Variants in DLG2 observed in about 807,000 individuals in gnomAD.
DLG2 encodes discs large MAGUK scaffold protein 2, also known as disks large homolog 2.
A neutral mutation model predicts 132.5 loss-of-function variants in DLG2; 45 were observed. The ratio of observed to expected loss-of-function variants is 0.34; its 90% CI spans 0.27 to 0.44. The LOEUF is 0.44. Among genes scored for constraint, DLG2 ranks in the 20% least tolerant of loss-of-function variants. The probability of loss-of-function intolerance (pLI) is 1.00; values close to 1 mark genes in which losing one functional copy is unlikely to be tolerated. For synonymous variants in DLG2, 424 were observed against 419.6 expected, an observed-to-expected ratio of 1.01 and a Z score of -0.13; for missense variants, 1,045 against 1,196.9, an observed-to-expected ratio of 0.87 and a Z score of 1.87.
intron 4 of DLG2, among the ~76,000 whole-genome samples, chr11:85,158,638 T>A (rs569838170): frequency 2.0e-5 from 3 of 152,140 alleles, no homozygotes; most frequent in African/African-American, 4.8e-5. Context: ...CTAAAAAAAA[T>A]TTAAATACAG....
At chr11:83,851,625 C>T (rs12808068) in intron 16 of DLG2, among the ~76,000 whole-genome samples, 13,059 of 137,382 alleles carry the variant, frequency 0.095, 844 homozygotes, top group East Asian at 0.34. Flanking sequence ...GAAACTCGGT[C>T]TCAAAAAAAA....
At chr11:83,869,490 T>C (rs920425523) in intron 16 of DLG2, among the ~76,000 whole-genome samples, 1 of 152,118 alleles carries the variant, frequency 6.6e-6, no homozygotes, top group African/African-American at 2.4e-5. Flanking sequence ...CCTTAAAGTA[T>C]GGGAAGGGTG....
At chr11:85,075,340 G>C (rs1170511509) in intron 6 of DLG2, among the ~76,000 whole-genome samples, 1 of 151,828 alleles carries the variant, frequency 6.6e-6, no homozygotes, top group African/African-American at 2.4e-5. Context: ...ACATACTGAA[G>C]GATGTGTGTC....
intron 6 of DLG2, among the ~76,000 whole-genome samples, chr11:84,968,732 T>C (rs762175704): frequency 1.3e-5 from 2 of 152,184 alleles, no homozygotes; most frequent in Non-Finnish European, 2.9e-5. Context: ...TTATAACTTT[T>C]GTTTTATACG....
In DLG2 at chr11:84,098,985, G is replaced by A; in HGVS notation, c.687C>T (p.Asp229=). 6.2e-7 allele frequency: 1 copy of A among 1,613,310 alleles called. No individual in the cohort carries two copies. The highest frequency in any genetic ancestry group is 1.1e-5 in the South Asian group (1 of 91,048). The change falls in exon 10 of 28, where the codon GAC becomes GAT. Residue 229 remains aspartate (D), a synonymous_variant. Coordinates refer to ENST00000376104, the MANE Select transcript of DLG2 (RefSeq NM_001142699.3). ...TAATCTTCGTAATAAATATGCCAGG[G>A]TCATCTCCAATGTGGGGATTATCTG... ...GGTDNPHIGD[D]PGIFITKIIP...
rs146229355 is a variant in DLG2, at chr11:85,264,032, G to A, written c.186+21188C>T. ...TGGAGTGGCCTGTGTAGATAAGGTC[G>A]TGCTGCTAGGGTTATGTGTAGAGCA... is the stretch of plus-strand genomic sequence containing the variant. On this transcript the variant is annotated intron_variant, in intron 4 of 27. Transcript: ENST00000376104. Among the ~76,000 whole-genome samples the A allele has an allele frequency of 6.2e-4, 95 of 152,240 alleles. No individual in the cohort carries two copies. The East Asian group carries it at 0.015, about 24-fold the overall frequency.
chr11:85,612,021 A>G (rs908216690), intron 2 of DLG2, among the ~76,000 whole-genome samples: 1 of 152,248 alleles, frequency 6.6e-6, no homozygotes, highest in African/African-American at 2.4e-5. Context: ...AAAGTCAAAG[A>G]GAGAAGGAAA....
chr11:84,039,986 T>C (rs1336661611), intron 11 of DLG2, among the ~76,000 whole-genome samples: 2 of 150,514 alleles, frequency 1.3e-5, no homozygotes, highest in Non-Finnish European at 3.0e-5. Context: ...ATGAGCATTT[T>C]TTCATGTGTT....
At chr11:83,614,025 C>A (rs560891806) in intron 19 of DLG2, among the ~76,000 whole-genome samples, 3 of 151,536 alleles carry the variant, frequency 2.0e-5, no homozygotes, top group African/African-American at 7.3e-5. Context: ...CGATTTTTGG[C>A]CCCTCCCTGG....
At chr11:83,757,396 A>C (rs969075469) in intron 18 of DLG2, among the ~76,000 whole-genome samples, 5 of 152,212 alleles carry the variant, frequency 3.3e-5, no homozygotes, top group African/African-American at 1.2e-4. Flanking sequence ...CAAAGCTAGA[A>C]AGTCATCACT....
chr11:84,803,420 A>C lies in DLG2; in HGVS notation c.358-268689T>G, dbSNP rs528087649. On this transcript the variant is annotated intron_variant, in intron 6 of 27. Coordinates refer to ENST00000376104, the MANE Select transcript of DLG2 (RefSeq NM_001142699.3). ...GAGAGATTAAACACTAGAAAAATTA[A>C]TTCTCTAATACTGTCAATTATATGT... 2.2e-4 allele frequency among the ~76,000 whole-genome samples: 34 copies of C among 152,328 alleles called. No individual in the cohort carries two copies. The South Asian group carries it at 5.4e-3, about 24-fold the overall frequency.
At chr11:83,875,818 T>C (rs1337833643) in intron 15 of DLG2, among the ~76,000 whole-genome samples, 1 of 152,166 alleles carries the variant, frequency 6.6e-6, no homozygotes, top group Non-Finnish European at 1.5e-5. Context: ...AGTCTTTCAT[T>C]CAGAACCTTG....
At chr11:85,583,057 AATATATAT>A (rs71995683) in intron 3 of DLG2, among the ~76,000 whole-genome samples, 5 of 101,610 alleles carry the variant, frequency 4.9e-5, no homozygotes, top group African/African-American at 2.4e-4. Context: ...GGAAAAAAAA[AATATATAT>A]ATATATATAT....
intron 6 of DLG2, among the ~76,000 whole-genome samples, chr11:84,578,547 C>T (rs2099508848): frequency 6.6e-6 from 1 of 152,080 alleles, no homozygotes; most frequent in African/African-American, 2.4e-5. Flanking sequence ...TTGCATGGGC[C>T]CTGTAACCCC....
intron 18 of DLG2, among the ~76,000 whole-genome samples, chr11:83,716,657 G>T (rs1457618794): frequency 1.3e-5 from 2 of 152,206 alleles, no homozygotes; most frequent in African/African-American, 4.8e-5. Flanking sequence ...CAAAGATCGA[G>T]AGGTCAAGGG....
chr11:85,111,534 T>A, intron 6 of DLG2, 127 bp downstream of exon 6: 1 of 663,230 alleles, frequency 1.5e-6, no homozygotes, highest in Non-Finnish European at 2.4e-6. Flanking sequence ...GATTATTCTT[T>A]CTCCTTGCAA....
chr11:83,632,340 A>T (rs2063703244), intron 19 of DLG2: 1 of 152,282 alleles, frequency 6.6e-6, no homozygotes, highest in Non-Finnish European at 1.5e-5. Flanking sequence ...CTGGAGTCAG[A>T]TTGAATTCAG....
chr11:85,016,490 C>A (rs1592726422), intron 6 of DLG2, among the ~76,000 whole-genome samples: 1 of 152,062 alleles, frequency 6.6e-6, no homozygotes, highest in Non-Finnish European at 1.5e-5. Flanking sequence ...CTCACCAATA[C>A]CTTTGATTTC....
intron 6 of DLG2, among the ~76,000 whole-genome samples, chr11:84,620,656 T>C (rs1459572907): frequency 6.6e-6 from 1 of 151,980 alleles, no homozygotes; most frequent in Non-Finnish European, 1.5e-5. Flanking sequence ...ATTCTGAAAA[T>C]ATAAAGAAAG....
Sources: gnomAD v4.1 joint callset for allele counts (sites outside exome capture counted in the v4.1 genomes callset) on GRCh38, gnomAD v4.1.1 for gene constraint, MANE v1.5 for transcripts, NCBI Gene and HGNC (gene_info 2026-07-23, HGNC 2026-07-21) for gene names.